The following PPARG variants were observed in gnomAD, a reference collection of about 807,000 sequenced individuals.
The protein encoded by PPARG is peroxisome proliferator-activated receptor gamma.
Under a neutral mutation model 39.2 loss-of-function variants are expected in PPARG, and 17 were observed. That is an observed-to-expected ratio of 0.43 (90% CI 0.30 to 0.65). The LOEUF (loss-of-function observed/expected upper bound fraction) is 0.65. Ranked by LOEUF, PPARG falls within the 30% of genes least tolerant of loss-of-function variation. The pLI, the probability that PPARG is intolerant of heterozygous loss-of-function variation, is 0.13. For missense variants in PPARG, 406 were observed against 585.9 expected (o/e 0.69, Z 3.17); for synonymous variants, 223 against 215.7 (o/e 1.03, Z -0.30).
intron 5 of PPARG, among the ~76,000 whole-genome samples, chr3:12,395,515 A>T (rs2050227269): frequency 6.6e-6 from 1 of 152,192 alleles, no homozygotes; most frequent in Non-Finnish European, 1.5e-5. Context: ...CTTCAGAAGG[A>T]ACTTTCATTT....
At position 12,330,010 on chromosome 3, in the gene PPARG, A is replaced by G. The variant is rs1309848894; in HGVS notation, c.-9+17557A>G. On this transcript the variant is annotated intron_variant, in intron 2 of 7. Transcript: ENST00000651735. ...CTGAGTAATATTCCCTTGCATGGAT[A>G]TATACCACATTGTGTTTCTCCATTC... Among the ~76,000 whole-genome samples, 7 of 152,190 alleles carry G rather than the reference A, an allele frequency of 4.6e-5. No homozygotes were observed. In the East Asian group the frequency reaches 1.3e-3, roughly 29 times the overall value.
At chr3:12,379,654 G>T in intron 2 of PPARG, 50 bp from the exon 3 acceptor site, 1 of 1,490,780 alleles carries the variant, frequency 6.7e-7, no homozygotes, top group Non-Finnish European at 9.4e-7. Context: ...CTGTGAGATT[G>T]CTGTGTTCTC....
At chr3:12,424,128 C>T (rs2125302741) in intron 7 of PPARG, among the ~76,000 whole-genome samples, 1 of 152,290 alleles carries the variant, frequency 6.6e-6, no homozygotes, top group Admixed American at 6.5e-5. Context: ...ACCCCATAGA[C>T]TTGGTTTGAC....
intron 2 of PPARG, among the ~76,000 whole-genome samples, chr3:12,330,911 T>G (rs1179830572): frequency 6.6e-6 from 1 of 152,184 alleles, no homozygotes; most frequent in African/African-American, 2.4e-5. Flanking sequence ...CTCTGAGAGT[T>G]TTAGAATTTT....
intron 6 of PPARG, among the ~76,000 whole-genome samples, chr3:12,408,379 C>T (rs1333452776): frequency 6.6e-6 from 1 of 152,068 alleles, no homozygotes; most frequent in Non-Finnish European, 1.5e-5. Flanking sequence ...GTTTATAAAG[C>T]TCATTCGTTC....
chr3:12,309,820 C>G (rs1214061005), intron 1 of PPARG, among the ~76,000 whole-genome samples: 2 of 152,140 alleles, frequency 1.3e-5, no homozygotes, highest in African/African-American at 4.8e-5. Flanking sequence ...AATCCCATCC[C>G]AGATGTAAAA....
chr3:12,383,120 A>C (rs2049743771), intron 4 of PPARG, among the ~76,000 whole-genome samples: 1 of 152,164 alleles, frequency 6.6e-6, no homozygotes, highest in Non-Finnish European at 1.5e-5. Context: ...CCACTTTCCA[A>C]AGTCATTAGC....
At chr3:12,303,125 C>T (rs2046970273) in intron 1 of PPARG, among the ~76,000 whole-genome samples, 1 of 152,118 alleles carries the variant, frequency 6.6e-6, no homozygotes, top group Non-Finnish European at 1.5e-5. Context: ...AAGAAAACTT[C>T]CTTCATGCCA....
At chr3:12,332,945 C>T (rs562368136) in intron 2 of PPARG, among the ~76,000 whole-genome samples, 6 of 152,236 alleles carry the variant, frequency 3.9e-5, no homozygotes, top group South Asian at 2.1e-4. Flanking sequence ...GAGGGAGGAT[C>T]GCTTGAGCCC....
intron 2 of PPARG, among the ~76,000 whole-genome samples, chr3:12,323,927 C>G (rs1339605703): frequency 6.6e-6 from 1 of 152,144 alleles, no homozygotes; most frequent in African/African-American, 2.4e-5. Flanking sequence ...GGACAGTTCT[C>G]TTCTGAGGCA....
intron 1 of PPARG, among the ~76,000 whole-genome samples, chr3:12,306,906 G>A (rs1326081434): frequency 1.3e-5 from 2 of 152,016 alleles, no homozygotes. Flanking sequence ...AGACCATCCT[G>A]GCTAACACGG....
intron 5 of PPARG, chr3:12,399,302 A>G (rs2050380458): frequency 2.2e-6 from 1 of 453,632 alleles, no homozygotes; most frequent in Non-Finnish European, 4.4e-6. Context: ...CTCTGCATAA[A>G]AATAATTTAA....
At chr3:12,349,514 T>C (rs2048419815) in intron 2 of PPARG, among the ~76,000 whole-genome samples, 1 of 152,238 alleles carries the variant, frequency 6.6e-6, no homozygotes, top group Non-Finnish European at 1.5e-5. Context: ...TAAGCAACAT[T>C]TACTGAGCTG....
chr3:12,367,378 G>C (rs1393168158), intron 2 of PPARG, among the ~76,000 whole-genome samples: 1 of 152,164 alleles, frequency 6.6e-6, no homozygotes, highest in Non-Finnish European at 1.5e-5. Flanking sequence ...ACTTTTAGCA[G>C]AGGAACCAAG....
intron 2 of PPARG, among the ~76,000 whole-genome samples, chr3:12,316,631 A>T (rs2047396392): frequency 1.3e-5 from 2 of 152,126 alleles, no homozygotes; most frequent in African/African-American, 4.8e-5. Context: ...AAAAAGTAAC[A>T]AGTCTTCAGC....
chr3:12,303,606 G>A (rs986899757), intron 1 of PPARG, among the ~76,000 whole-genome samples: 45 of 152,150 alleles, frequency 3.0e-4, no homozygotes, highest in African/African-American at 1.1e-3. Flanking sequence ...TGTGGAGCTC[G>A]CTGTCACATA....
Position 12,399,397 on chromosome 3 carries a change from C to T in PPARG, c.530-6485C>T, listed in dbSNP as rs909798402. ...AGATTGCCAAATCCTGCAGAACCTC[C>T]AGCAGGCACAAGTTGGTTTTTCTCC... On this transcript the variant is annotated intron_variant, in intron 5 of 7. Transcript: ENST00000651735. 1.1e-4 allele frequency: 51 copies of T among 456,282 alleles called. 1 individual carries two copies. The highest frequency in any genetic ancestry group is 9.7e-4 in the Middle Eastern group (3 of 3,096). 28.3% of individuals were successfully genotyped at this position (456,282 alleles called of 1,614,324 possible). A position where few individuals can be genotyped will look rare whatever the true frequency, so the allele number is the denominator to read the frequency against.
At chr3:12,305,622 C>G (rs2047042106) in intron 1 of PPARG, among the ~76,000 whole-genome samples, 1 of 152,096 alleles carries the variant, frequency 6.6e-6, no homozygotes, top group African/African-American at 2.4e-5. Flanking sequence ...TTTGTTAATT[C>G]TGTATCTTTA....
intron 7 of PPARG, among the ~76,000 whole-genome samples, chr3:12,421,126 C>T (rs1297804171): frequency 6.6e-6 from 1 of 152,184 alleles, no homozygotes; most frequent in African/African-American, 2.4e-5. Flanking sequence ...CAAACTAGTG[C>T]CACCGTGGAA....
Sources: gnomAD v4.1 joint callset for allele counts (sites outside exome capture counted in the v4.1 genomes callset) on GRCh38, gnomAD v4.1.1 for gene constraint, MANE v1.5 for transcripts, NCBI Gene and HGNC (gene_info 2026-07-23, HGNC 2026-07-21) for gene names.